The following CACNA2D3 variants were observed in gnomAD, a reference collection of about 807,000 sequenced individuals.
CACNA2D3 encodes the protein calcium voltage-gated channel auxiliary subunit alpha2delta 3.
CACNA2D3 carries 60 observed loss-of-function variants against 160.6 expected under a neutral mutation model. The ratio of observed to expected loss-of-function variants is 0.37; its 90% CI spans 0.30 to 0.46. The LOEUF is 0.46. CACNA2D3 is among the 20% of genes least tolerant of loss of function. The pLI, the probability that CACNA2D3 is intolerant of heterozygous loss-of-function variation, is 1.00. For missense variants in CACNA2D3, 1,205 were observed against 1,365.0 expected, an observed-to-expected ratio of 0.88 and a Z score of 1.85; for synonymous variants, 558 against 492.9, an observed-to-expected ratio of 1.13 and a Z score of -1.75.
chr3:54,330,051 C>T lies in CACNA2D3; in HGVS notation c.321+9493C>T, dbSNP rs186098474. 6.6e-5 allele frequency among the ~76,000 whole-genome samples: 10 copies of T among 152,272 alleles called. No individual in the cohort carries two copies. In the East Asian group the frequency reaches 1.9e-3, roughly 29 times the overall value. ...TACACTGCATTCAGTGGAGAGATGA[C>T]AGCCCTTGCGAGTAATCAGAATCTT... is the stretch of plus-strand genomic sequence containing the variant. On this transcript the variant is annotated intron_variant, in intron 3 of 37. Coordinates refer to ENST00000474759, the MANE Select transcript of CACNA2D3 (RefSeq NM_018398.3).
At chr3:54,745,942 TG>T (rs1485696509) in intron 11 of CACNA2D3, among the ~76,000 whole-genome samples, 2 of 152,228 alleles carry the variant, frequency 1.3e-5, no homozygotes, top group Non-Finnish European at 2.9e-5. Flanking sequence ...GATATTCGTT[TG>T]TTGAAATTTT....
At chr3:54,552,303 C>G (rs7619046) in intron 5 of CACNA2D3, among the ~76,000 whole-genome samples, 314 of 152,250 alleles carry the variant, frequency 2.1e-3, no homozygotes, top group African/African-American at 7.1e-3. Flanking sequence ...GATGTCCTGT[C>G]AGGGCCCCAG....
At chr3:54,657,105 G>A (rs1285627137) in intron 11 of CACNA2D3, among the ~76,000 whole-genome samples, 2 of 151,726 alleles carry the variant, frequency 1.3e-5, no homozygotes, top group African/African-American at 4.8e-5. Flanking sequence ...AGGGTACTCA[G>A]TGGGGGAGCT....
At chr3:54,134,892 G>A (rs1208745384) in intron 2 of CACNA2D3, among the ~76,000 whole-genome samples, 1 of 152,258 alleles carries the variant, frequency 6.6e-6, no homozygotes, top group East Asian at 1.9e-4. Context: ...AGCAGCTGCT[G>A]CGGGAGCACC....
chr3:54,721,867 T>A (rs1701176398), intron 11 of CACNA2D3, among the ~76,000 whole-genome samples: 1 of 152,122 alleles, frequency 6.6e-6, no homozygotes, highest in African/African-American at 2.4e-5. Flanking sequence ...TCAACCTTGG[T>A]GAATCTGACG....
chr3:54,891,307 T>G (rs768615380), intron 24 of CACNA2D3, 48 bp from the exon 25 acceptor site: 1 of 1,285,630 alleles, frequency 7.8e-7, no homozygotes, highest in East Asian at 2.3e-5. Context: ...ATGTATTATC[T>G]GCTTACTGTC....
intron 5 of CACNA2D3, among the ~76,000 whole-genome samples, chr3:54,541,105 A>G (rs11719131): frequency 0.089 from 13,555 of 151,784 alleles, 790 homozygotes; most frequent in Non-Finnish European, 0.13. Context: ...GTGAAACCCC[A>G]TCTCTACTAA....
At chr3:55,051,371 T>G (rs1348758867) in intron 35 of CACNA2D3, among the ~76,000 whole-genome samples, 1 of 143,618 alleles carries the variant, frequency 7.0e-6, no homozygotes, top group Non-Finnish European at 1.5e-5. Context: ...CCGTGTGAGG[T>G]GTCAGTGTGC....
At chr3:54,771,443 T>C (rs570870273) in intron 13 of CACNA2D3, among the ~76,000 whole-genome samples, 11 of 152,314 alleles carry the variant, frequency 7.2e-5, no homozygotes, top group African/African-American at 2.6e-4. Flanking sequence ...GCAGGTCTCA[T>C]CTGCAACTCA....
intron 9 of CACNA2D3, among the ~76,000 whole-genome samples, chr3:54,600,143 G>A (rs972249432): frequency 6.6e-6 from 1 of 152,158 alleles, no homozygotes; most frequent in African/African-American, 2.4e-5. Context: ...AGTGTTCGAC[G>A]CACCTTCATG....
At chr3:54,358,209 A>C (rs1447185765) in intron 3 of CACNA2D3, among the ~76,000 whole-genome samples, 1 of 152,232 alleles carries the variant, frequency 6.6e-6, no homozygotes, top group African/African-American at 2.4e-5. Flanking sequence ...GTAAACTTAA[A>C]ATCACTCCAA....
At chr3:54,420,996 T>C (rs560076571) in intron 4 of CACNA2D3, among the ~76,000 whole-genome samples, 3 of 152,208 alleles carry the variant, frequency 2.0e-5, no homozygotes, top group Non-Finnish European at 4.4e-5. Flanking sequence ...TTTTCTGTTT[T>C]CTTCCTCTAT....
chr3:54,337,913 C>A (rs1232542313), intron 3 of CACNA2D3, among the ~76,000 whole-genome samples: 1 of 152,192 alleles, frequency 6.6e-6, no homozygotes, highest in Non-Finnish European at 1.5e-5. Flanking sequence ...AGGGGTAGAT[C>A]AAGCCATGGA....
chr3:55,066,871 C>T (rs947631057), intron 35 of CACNA2D3, among the ~76,000 whole-genome samples: 1 of 152,162 alleles, frequency 6.6e-6, no homozygotes, highest in African/African-American at 2.4e-5. Flanking sequence ...GGCAAACCCA[C>T]CAGGCCACAG....
chr3:54,333,735 G>C (rs1266450854), intron 3 of CACNA2D3, among the ~76,000 whole-genome samples: 2 of 152,224 alleles, frequency 1.3e-5, no homozygotes, highest in Non-Finnish European at 2.9e-5. Flanking sequence ...TTAATTTTCA[G>C]CTACATTTAG....
chr3:54,216,570 A>G (rs1312724392), intron 2 of CACNA2D3, among the ~76,000 whole-genome samples: 1 of 152,200 alleles, frequency 6.6e-6, no homozygotes, highest in African/African-American at 2.4e-5. Context: ...AACATTTTAA[A>G]CTAATTAGAT....
intron 9 of CACNA2D3, among the ~76,000 whole-genome samples, chr3:54,602,052 T>C (rs1703069127): frequency 6.6e-6 from 1 of 152,088 alleles, no homozygotes; most frequent in South Asian, 2.1e-4. Context: ...TGTCCATAAA[T>C]GCACACAGTC....
chr3:54,335,918 C>T (rs558713758), intron 3 of CACNA2D3, among the ~76,000 whole-genome samples: 25 of 147,444 alleles, frequency 1.7e-4, no homozygotes, highest in Non-Finnish European at 2.8e-4. Context: ...GCAGGGGAAT[C>T]GCTTGAACCT....
intron 11 of CACNA2D3, among the ~76,000 whole-genome samples, chr3:54,700,451 C>A (rs974452417): frequency 6.6e-6 from 1 of 152,160 alleles, no homozygotes; most frequent in Non-Finnish European, 1.5e-5. Context: ...GTTGCACCAA[C>A]CAAATTTCAA....
Sources: allele counts gnomAD v4.1 joint callset (sites outside exome capture counted in the v4.1 genomes callset), GRCh38; gene constraint gnomAD v4.1.1; transcripts MANE v1.5; gene names NCBI Gene and HGNC (gene_info 2026-07-23, HGNC 2026-07-21).